NXPH2: variants seen among roughly 807,000 people sequenced by gnomAD.
The protein encoded by NXPH2 is neurexophilin 2, also known as neurexophilin-2.
Under a neutral mutation model 19.8 loss-of-function variants are expected in NXPH2, and 5 were observed. That is an observed-to-expected ratio of 0.25 (90% CI 0.13 to 0.53). The LOEUF (loss-of-function observed/expected upper bound fraction) is 0.53, where lower values mean the gene tolerates loss of function less well. NXPH2 is among the 20% of genes least tolerant of loss of function. The pLI is 0.96. For missense variants in NXPH2, 289 were observed against 322.8 expected (o/e 0.90, Z 0.80); for synonymous variants, 154 against 127.4 (o/e 1.21, Z -1.41).
At chr2:138,712,908 C>G (rs1168167639) in intron 1 of NXPH2, among the ~76,000 whole-genome samples, 1 of 152,242 alleles carries the variant, frequency 6.6e-6, no homozygotes, top group Non-Finnish European at 1.5e-5. Context: ...CAAACAGGGG[C>G]TGTATTAGTA....
At chr2:138,768,971 T>C (rs1286327769) in intron 1 of NXPH2, among the ~76,000 whole-genome samples, 1 of 152,154 alleles carries the variant, frequency 6.6e-6, no homozygotes, top group Non-Finnish European at 1.5e-5. Context: ...TCTGAAATAT[T>C]CATGGAGCAT....
At chr2:138,710,289 C>T (rs763206924) in intron 1 of NXPH2, among the ~76,000 whole-genome samples, 6 of 152,092 alleles carry the variant, frequency 3.9e-5, no homozygotes, top group Admixed American at 6.6e-5. Flanking sequence ...GTATGTACCA[C>T]GTTTTGTTTA....
At chr2:138,722,653 C>T (rs1489606557) in intron 1 of NXPH2, among the ~76,000 whole-genome samples, 5 of 152,146 alleles carry the variant, frequency 3.3e-5, no homozygotes, top group Non-Finnish European at 4.4e-5. Flanking sequence ...AGTTGAACAA[C>T]GAAGAAGGCC....
At chr2:138,749,378 T>G (rs1558928801) in intron 1 of NXPH2, among the ~76,000 whole-genome samples, 1 of 152,156 alleles carries the variant, frequency 6.6e-6, no homozygotes, top group African/African-American at 2.4e-5. Context: ...CCAACACAAC[T>G]AGTAAAGTTA....
intron 1 of NXPH2, among the ~76,000 whole-genome samples, chr2:138,679,054 G>A (rs1291571956): frequency 6.6e-6 from 1 of 152,166 alleles, no homozygotes; most frequent in African/African-American, 2.4e-5. Context: ...TTTCCTACAG[G>A]TTCATCATTG....
chr2:138,707,094 C>CAAAAAAAAAAAAAAA (rs70982073), intron 1 of NXPH2, among the ~76,000 whole-genome samples: 783 of 34,744 alleles, frequency 0.023, 119 homozygotes, highest in African/African-American at 0.053. Flanking sequence ...TGCCCCATGA[C>CAAAAAAAAAAAAAAA]AAAAAAAAAA....
At position 138,691,167 on chromosome 2, in the gene NXPH2, G is replaced by C. The variant is rs183411331; in HGVS notation, c.52-19502C>G. Among the ~76,000 whole-genome samples the C allele has an allele frequency of 7.7e-4, 118 of 152,332 alleles. 1 individual carries two copies. Among genetic ancestry groups the C allele is most frequent in the African/African-American group, 2.5e-3 (105 of 41,568 alleles). The stretch of plus-strand genomic sequence containing the variant: ...GTAAGAACATTTGGATTATCAAGGT[G>C]AATGTCTCACTTGAAGGAAAAAATT... On this transcript the variant is annotated intron_variant, in intron 1 of 1. Transcript: ENST00000272641.
At chr2:138,723,753 C>T (rs1423992248) in intron 1 of NXPH2, among the ~76,000 whole-genome samples, 3 of 152,134 alleles carry the variant, frequency 2.0e-5, no homozygotes, top group Admixed American at 6.5e-5. Context: ...CTCACCCACT[C>T]GCCCACACCT....
chr2:138,687,182 G>A (rs1469605792), intron 1 of NXPH2, among the ~76,000 whole-genome samples: 1 of 152,158 alleles, frequency 6.6e-6, no homozygotes, highest in Non-Finnish European at 1.5e-5. Flanking sequence ...GTGTAAAAAT[G>A]TTCCTATTTC....
At position 138,669,380 on chromosome 2, in the gene NXPH2, G is replaced by T. The variant is rs1022718619; in HGVS notation, c.*1542C>A. On this transcript the variant is annotated 3_prime_UTR_variant, in exon 2 of 2. Transcript: ENST00000272641. ...AAAACATGTGGTGAACTCAGAGCAA[G>T]AACTTCAAGCCTGTACTACCACACA... Among the ~76,000 whole-genome samples, 1 of 151,998 alleles carries T rather than the reference G, an allele frequency of 6.6e-6. No individual in the cohort carries two copies. The highest frequency in any genetic ancestry group is 1.5e-5 in the Non-Finnish European group (1 of 67,974).
intron 1 of NXPH2, among the ~76,000 whole-genome samples, chr2:138,716,429 C>T (rs1681196090): frequency 6.6e-6 from 1 of 152,126 alleles, no homozygotes; most frequent in South Asian, 2.1e-4. Context: ...GAGAACACGG[C>T]CATCTGCAAA....
At chr2:138,709,132 A>T (rs1031479879) in intron 1 of NXPH2, among the ~76,000 whole-genome samples, 4 of 152,038 alleles carry the variant, frequency 2.6e-5, no homozygotes, top group Non-Finnish European at 4.4e-5. Flanking sequence ...AGGTCCCACA[A>T]GGCTGACTCT....
intron 1 of NXPH2, among the ~76,000 whole-genome samples, chr2:138,776,549 G>C (rs572060575): frequency 5.3e-4 from 80 of 150,822 alleles, no homozygotes; most frequent in Middle Eastern, 3.5e-3. Flanking sequence ...GTAAAATAAT[G>C]ATGCTTATAA....
At position 138,687,291 on chromosome 2, in the gene NXPH2, C is replaced by T. The variant is rs1680673739; in HGVS notation, c.52-15626G>A. On this transcript the variant is annotated intron_variant, in intron 1 of 1. Transcript: ENST00000272641. ...CTCATTGTGGTTTTGATTTGCATTT[C>T]TCTGATGGCCAGTGATGATGAGCAT... Among the ~76,000 whole-genome samples, 3 of 152,212 alleles carry T rather than the reference C, an allele frequency of 2.0e-5. No homozygotes were observed. In the South Asian group the frequency reaches 6.2e-4, roughly 32 times the overall value.
At chr2:138,695,426 G>T (rs766986195) in intron 1 of NXPH2, among the ~76,000 whole-genome samples, 2 of 152,124 alleles carry the variant, frequency 1.3e-5, no homozygotes, top group African/African-American at 4.8e-5. Context: ...TACACTAAAC[G>T]AAGACACCAG....
At chr2:138,682,676 T>C (rs1024747865) in intron 1 of NXPH2, among the ~76,000 whole-genome samples, 6 of 152,194 alleles carry the variant, frequency 3.9e-5, no homozygotes, top group African/African-American at 7.2e-5. Context: ...TTATTCTAAA[T>C]TGATACAGGA....
intron 1 of NXPH2, among the ~76,000 whole-genome samples, chr2:138,702,270 C>T (rs1295330907): frequency 6.6e-6 from 1 of 152,086 alleles, no homozygotes; most frequent in South Asian, 2.1e-4. Flanking sequence ...GCACACAGCA[C>T]CATCCCTAGC....
chr2:138,704,702 T>C lies in NXPH2; in HGVS notation c.52-33037A>G, dbSNP rs182871103. Among the ~76,000 whole-genome samples, 148 of 152,308 alleles carry C rather than the reference T, an allele frequency of 9.7e-4. 2 individuals carry two copies. In the South Asian group the frequency reaches 0.01, roughly 10 times the overall value. The stretch of plus-strand genomic sequence containing the variant: ...CAGGGTCTTGCTCTCTCAGCAAGTC[T>C]GCAGTGCAGTGGCACAATCATGTCT... On this transcript the variant is annotated intron_variant, in intron 1 of 1. Coordinates refer to ENST00000272641, the MANE Select transcript of NXPH2 (RefSeq NM_007226.3).
At chr2:138,774,172 G>A (rs574170025) in intron 1 of NXPH2, among the ~76,000 whole-genome samples, 15 of 152,208 alleles carry the variant, frequency 9.9e-5, no homozygotes, top group South Asian at 2.1e-4. Context: ...TCAATTTTCC[G>A]TTTATTTAAA....
Sources: allele counts gnomAD v4.1 joint callset (sites outside exome capture counted in the v4.1 genomes callset), GRCh38; gene constraint gnomAD v4.1.1; transcripts MANE v1.5; gene names NCBI Gene and HGNC (gene_info 2026-07-23, HGNC 2026-07-21).